TIAM1: variants seen among roughly 807,000 people sequenced by gnomAD.
TIAM1 encodes the protein TIAM Rac1 associated GEF 1.
In TIAM1, 65 loss-of-function variants were observed where a neutral mutation model predicts 163.5. That is an observed-to-expected ratio of 0.40 (90% CI 0.33 to 0.49). The LOEUF is 0.49. Ranked by LOEUF, TIAM1 falls within the 20% of genes least tolerant of loss-of-function variation. The pLI is 0.77. For missense variants in TIAM1, 1,789 were observed against 2,044.7 expected, an observed-to-expected ratio of 0.87 and a Z score of 2.41; for synonymous variants, 833 against 810.1, an observed-to-expected ratio of 1.03 and a Z score of -0.48.
Position 31,245,522 on chromosome 21 carries a change from A to G in TIAM1, c.1550T>C (p.Leu517Pro). 1 of 1,548,362 alleles carries G rather than the reference A, an allele frequency of 6.5e-7. No individual in the cohort carries two copies. The highest frequency in any genetic ancestry group is 8.7e-7 in the Non-Finnish European group (1 of 1,145,698). ...GAAGGCATCACCCAGGGAATTGCTG[A>G]GGCAGAAGACAAAGTCCTTCTTGGG... ...EHPKKDFVFCLSNSLGDAFLF... is the reference protein window; with the variant it reads ...EHPKKDFVFCPSNSLGDAFLF... Residue 517 changes from leucine to proline, a missense_variant, in exon 6 of 28, where the codon CTC becomes CCC. Physicochemically the swap from Leu to Pro is moderately conservative, Grantham distance 98. Transcript: ENST00000541036.
chr21:31,511,412 G>C (rs1469323520), intron 1 of TIAM1, among the ~76,000 whole-genome samples: 1 of 152,178 alleles, frequency 6.6e-6, no homozygotes, highest in Non-Finnish European at 1.5e-5. Flanking sequence ...TGGCCAGACT[G>C]CCTGGGTTCA....
chr21:31,159,885 T>C (rs540245962), intron 16 of TIAM1, among the ~76,000 whole-genome samples: 3 of 152,350 alleles, frequency 2.0e-5, no homozygotes, highest in Middle Eastern at 3.4e-3. Flanking sequence ...CCTGTTCAAA[T>C]AGGTCAGTTG....
rs75746066 is a variant in TIAM1 at position 31,370,677 on chromosome 21, G to A, written c.-368-31255C>T. ...AAACAATATGTACAAGACATACTGC[G>A]GTCTATATGCCCAGACTATACCTCT... On this transcript the variant is annotated intron_variant, in intron 2 of 28. Coordinates refer to the TIAM1 transcript ENST00000286827. Among the ~76,000 whole-genome samples the A allele has an allele frequency of 7.7e-3, 1,167 of 152,150 alleles. 6 individuals carry two copies. Among genetic ancestry groups the A allele is most frequent in the African/African-American group, 0.027 (1,112 of 41,478 alleles).
chr21:31,557,458 TATCCC>T (rs1051594740), intron 1 of TIAM1, among the ~76,000 whole-genome samples: 1 of 152,188 alleles, frequency 6.6e-6, no homozygotes, highest in African/African-American at 2.4e-5. Context: ...GGTTATTCCT[TATCCC>T]CACTTTACAG....
intron 2 of TIAM1, among the ~76,000 whole-genome samples, chr21:31,417,702 C>A (rs780730756): frequency 2.6e-5 from 4 of 152,166 alleles, no homozygotes; most frequent in Non-Finnish European, 4.4e-5. Flanking sequence ...CAGATGTACA[C>A]CTGCAGGTCA....
At chr21:31,147,757 TTAATA>T (rs1179420067) in intron 19 of TIAM1, among the ~76,000 whole-genome samples, 1 of 140,374 alleles carries the variant, frequency 7.1e-6, no homozygotes, top group Non-Finnish European at 1.5e-5. Context: ...TAATATATAA[TTAATA>T]TATTATATTA....
At chr21:31,359,531 A>G (rs2076368353) in intron 2 of TIAM1, among the ~76,000 whole-genome samples, 1 of 152,164 alleles carries the variant, frequency 6.6e-6, no homozygotes, top group African/African-American at 2.4e-5. Flanking sequence ...ATGGTGGCTC[A>G]CGCTTGTAAT....
chr21:31,507,868 A>G (rs1210010341), intron 1 of TIAM1, among the ~76,000 whole-genome samples: 1 of 152,198 alleles, frequency 6.6e-6, no homozygotes, highest in African/African-American at 2.4e-5. Context: ...GTGCCTTAAA[A>G]GATATGCTGA....
intron 23 of TIAM1, among the ~76,000 whole-genome samples, chr21:31,134,139 T>C (rs2247452): frequency 0.38 from 57,026 of 151,940 alleles, 11,415 homozygotes; most frequent in East Asian, 0.62. Context: ...CCTACTTAAA[T>C]TATTTTCTTA....
chr21:31,423,714 A>C (rs1261133347), intron 2 of TIAM1, among the ~76,000 whole-genome samples: 4 of 139,678 alleles, frequency 2.9e-5, no homozygotes, highest in African/African-American at 5.0e-5. Context: ...AAAAAAAAAA[A>C]AAAAAAAAAA....
chr21:31,252,227 C>A, intron 4 of TIAM1, 38 bp from the exon 5 acceptor site: 1 of 1,578,034 alleles, frequency 6.3e-7, no homozygotes, highest in South Asian at 1.1e-5. Flanking sequence ...AGACAAGCGT[C>A]ACGTGGAGAA....
At chr21:31,531,760 T>TAA (rs60258369) in intron 1 of TIAM1, among the ~76,000 whole-genome samples, 25,389 of 143,964 alleles carry the variant, frequency 0.18, 2,307 homozygotes, top group Non-Finnish European at 0.19. Context: ...ATACAGGAGT[T>TAA]AAAAAAAAAA....
intron 4 of TIAM1, among the ~76,000 whole-genome samples, chr21:31,255,414 G>A (rs1327944755): frequency 6.6e-6 from 1 of 152,130 alleles, no homozygotes; most frequent in Non-Finnish European, 1.5e-5. Context: ...TGCTGGAAAG[G>A]GTGATGACCC....
intron 1 of TIAM1, among the ~76,000 whole-genome samples, chr21:31,551,316 G>C (rs145054691): frequency 6.6e-6 from 1 of 151,926 alleles, no homozygotes; most frequent in Non-Finnish European, 1.5e-5. Flanking sequence ...GTTGAGACAG[G>C]AGAACTGCTT....
chr21:31,169,211 T>C (rs1418321686), intron 15 of TIAM1, among the ~76,000 whole-genome samples: 2 of 152,112 alleles, frequency 1.3e-5, no homozygotes, highest in East Asian at 3.9e-4. Flanking sequence ...GGAGAATCAC[T>C]TGAACCTGGA....
chr21:31,278,419 T>G (rs1207555667), intron 2 of TIAM1, among the ~76,000 whole-genome samples: 1 of 152,188 alleles, frequency 6.6e-6, no homozygotes, highest in African/African-American at 2.4e-5. Flanking sequence ...AAATTACAAA[T>G]ACTAAGGCAA....
Position 31,323,160 on chromosome 21 carries a change from C to T in TIAM1, c.-189+16083G>A, listed in dbSNP as rs188373311. 3.9e-3 allele frequency among the ~76,000 whole-genome samples: 595 copies of T among 151,916 alleles called. 2 individuals carry two copies. Among genetic ancestry groups the T allele is most frequent in the Middle Eastern group, 6.8e-3 (2 of 294 alleles). On this transcript the variant is annotated intron_variant, in intron 2 of 27. Coordinates refer to ENST00000541036, the MANE Select transcript of TIAM1 (RefSeq NM_001353694.2). Reference sequence around the variant, plus strand: ...AAAATTAGCAGGTCATGGTGGTGCCCGCCTGTAGTCCCAGCTACTCGGGAG... The same window carrying T: ...AAAATTAGCAGGTCATGGTGGTGCCTGCCTGTAGTCCCAGCTACTCGGGAG...
intron 1 of TIAM1, among the ~76,000 whole-genome samples, chr21:31,541,675 G>A (rs2048327554): frequency 6.6e-6 from 1 of 152,048 alleles, no homozygotes; most frequent in Non-Finnish European, 1.5e-5. Flanking sequence ...AAAATACAAA[G>A]CTGTATCTAT....
intron 2 of TIAM1, among the ~76,000 whole-genome samples, chr21:31,392,076 T>TTAAGG (rs964874649): frequency 2.0e-5 from 3 of 152,150 alleles, no homozygotes; most frequent in African/African-American, 7.2e-5. Context: ...TTGAGCACAT[T>TTAAGG]TAAGGTAGGC....
Sources: allele counts gnomAD v4.1 joint callset (sites outside exome capture counted in the v4.1 genomes callset), GRCh38; gene constraint gnomAD v4.1.1; transcripts MANE v1.5; gene names NCBI Gene and HGNC (gene_info 2026-07-23, HGNC 2026-07-21).